The following KHDRBS2 variants were observed in gnomAD, a reference collection of about 807,000 sequenced individuals.
KHDRBS2 encodes KH domain-containing, RNA-binding, signal transduction-associated protein 2.
KHDRBS2 carries 26 observed loss-of-function variants against 44.3 expected under a neutral mutation model. The observed-to-expected ratio is 0.59, with a 90% CI of 0.43 to 0.81. The LOEUF is 0.81. Among genes scored for constraint, KHDRBS2 ranks in the 40% least tolerant of loss-of-function variants. The probability of loss-of-function intolerance (pLI) is 0.00; values close to 1 mark genes in which losing one functional copy is unlikely to be tolerated. For synonymous variants in KHDRBS2, 194 were observed against 151.1 expected, an observed-to-expected ratio of 1.28 and a Z score of -2.08; for missense variants, 476 against 433.1, an observed-to-expected ratio of 1.10 and a Z score of -0.88.
chr6:61,600,545 C>T, the KHDRBS2 span, among the ~76,000 whole-genome samples: 5 of 152,238 alleles, frequency 3.3e-5, no homozygotes, highest in East Asian at 3.9e-4. Flanking sequence ...AGTCTCTTTT[C>T]GGACTCAGCC....
At chr6:61,633,851 A>G in the KHDRBS2 span, among the ~76,000 whole-genome samples, 1 of 152,034 alleles carries the variant, frequency 6.6e-6, no homozygotes, top group Non-Finnish European at 1.5e-5. Context: ...ACTGATGTTT[A>G]TATCTTCCAG....
the KHDRBS2 span, among the ~76,000 whole-genome samples, chr6:61,609,536 T>C: frequency 6.6e-6 from 1 of 152,228 alleles, no homozygotes; most frequent in Non-Finnish European, 1.5e-5. Flanking sequence ...CATTCAAGGA[T>C]TTAACATTTT....
At chr6:61,916,234 T>G (rs561671140) in intron 4 of KHDRBS2, among the ~76,000 whole-genome samples, 2 of 152,180 alleles carry the variant, frequency 1.3e-5, no homozygotes, top group Admixed American at 6.6e-5. Context: ...TGTATTGTTT[T>G]AAGTTATTGA....
At chr6:61,964,914 A>G (rs1454124976) in intron 4 of KHDRBS2, among the ~76,000 whole-genome samples, 3 of 152,122 alleles carry the variant, frequency 2.0e-5, no homozygotes, top group Non-Finnish European at 4.4e-5. Context: ...TGTTCTACAC[A>G]TGGGTAAACA....
intron 4 of KHDRBS2, among the ~76,000 whole-genome samples, chr6:61,913,858 C>A (rs749933718): frequency 1.1e-4 from 17 of 152,048 alleles, no homozygotes; most frequent in Non-Finnish European, 1.8e-4. Flanking sequence ...AGGAGCTGAG[C>A]ATCTTTGAGG....
intron 4 of KHDRBS2, among the ~76,000 whole-genome samples, chr6:61,904,346 T>C (rs777757100): frequency 1.1e-4 from 17 of 152,204 alleles, no homozygotes; most frequent in Non-Finnish European, 1.9e-4. Context: ...GATTTCTTAT[T>C]CTTATTAATA....
intron 3 of KHDRBS2, among the ~76,000 whole-genome samples, chr6:61,990,470 A>G (rs139449431): frequency 6.6e-6 from 1 of 152,346 alleles, no homozygotes; most frequent in East Asian, 1.9e-4. Context: ...CTCACAGGGT[A>G]TATCACATTA....
intron 1 of KHDRBS2, among the ~76,000 whole-genome samples, chr6:62,240,281 G>A (rs1018722256): frequency 2.0e-5 from 3 of 151,976 alleles, no homozygotes; most frequent in African/African-American, 7.2e-5. Flanking sequence ...ATCACTGTGG[G>A]TGTTTTATTT....
intron 2 of KHDRBS2, among the ~76,000 whole-genome samples, chr6:62,084,703 A>C (rs1417738168): frequency 6.6e-6 from 1 of 152,150 alleles, no homozygotes; most frequent in African/African-American, 2.4e-5. Flanking sequence ...AAAAATGACA[A>C]ATGTGTTTTC....
rs557690322 is a variant in KHDRBS2, at chr6:62,077,532, T to C, written c.220-29538A>G. 1.5e-3 allele frequency among the ~76,000 whole-genome samples: 224 copies of C among 152,146 alleles called. 1 individual carries two copies. The Middle Eastern group carries it at 0.024, about 16-fold the overall frequency. On this transcript the variant is annotated intron_variant, in intron 2 of 8. Transcript: ENST00000281156. ...AATGAGGCAATTTTCCAAGGTCTGA[T>C]TCAACACTCAGTCCAGTAAGATAGG...
intron 6 of KHDRBS2, among the ~76,000 whole-genome samples, chr6:61,810,682 C>G (rs1194546433): frequency 4.0e-5 from 6 of 151,872 alleles, no homozygotes; most frequent in Admixed American, 2.0e-4. Context: ...AAAATAAAGA[C>G]AGCAAAAATA....
At chr6:61,979,887 T>C (rs1400035568) in intron 3 of KHDRBS2, among the ~76,000 whole-genome samples, 10 of 152,160 alleles carry the variant, frequency 6.6e-5, no homozygotes, top group Admixed American at 5.9e-4. Flanking sequence ...TTCTTGACAC[T>C]GTCCCTTTCT....
intron 1 of KHDRBS2, among the ~76,000 whole-genome samples, chr6:62,263,243 T>TA (rs753874007): frequency 5.9e-5 from 9 of 151,792 alleles, no homozygotes; most frequent in Non-Finnish European, 8.9e-5. Flanking sequence ...TCTAATTTTA[T>TA]AAATTATTTC....
At chr6:61,840,710 G>C (rs563281889) in intron 6 of KHDRBS2, among the ~76,000 whole-genome samples, 1 of 152,264 alleles carries the variant, frequency 6.6e-6, no homozygotes, top group African/African-American at 2.4e-5. Context: ...TGCTCCAGCT[G>C]CATTCTACGG....
intron 4 of KHDRBS2, among the ~76,000 whole-genome samples, chr6:61,934,618 T>C (rs1287103794): frequency 6.6e-6 from 1 of 152,226 alleles, no homozygotes; most frequent in Non-Finnish European, 1.5e-5. Context: ...TAGGTCAATT[T>C]TCTTGACTAA....
In KHDRBS2 at chr6:62,108,665, C is replaced by T. The variant is rs1192480; in HGVS notation, c.220-60671G>A. On this transcript the variant is annotated intron_variant, in intron 2 of 8. Coordinates refer to ENST00000281156, the MANE Select transcript of KHDRBS2 (RefSeq NM_152688.4). ...ATGCACACGTATGTTCATTGCGGCACTATTCACAATAGCAAAGACTTGGAA... is the reference window on the plus strand; with the variant it reads ...ATGCACACGTATGTTCATTGCGGCATTATTCACAATAGCAAAGACTTGGAA... Among the ~76,000 whole-genome samples, 8 of 152,250 alleles carry T rather than the reference C, an allele frequency of 5.3e-5. 1 individual carries two copies. The highest frequency in any genetic ancestry group is 3.3e-4 in the Admixed American group (5 of 15,288).
chr6:62,068,315 A>G (rs1173714069), intron 2 of KHDRBS2, among the ~76,000 whole-genome samples: 2 of 151,368 alleles, frequency 1.3e-5, no homozygotes, highest in East Asian at 2.0e-4. Flanking sequence ...ACTTTTATAT[A>G]CCTTCCTTGG....
At chr6:61,984,111 A>AC (rs1774542710) in intron 3 of KHDRBS2, among the ~76,000 whole-genome samples, 2 of 152,108 alleles carry the variant, frequency 1.3e-5, no homozygotes, top group South Asian at 4.1e-4. Flanking sequence ...TCACCAGAAC[A>AC]CTTGCACCTT....
At chr6:61,948,591 C>T (rs891988924) in intron 4 of KHDRBS2, among the ~76,000 whole-genome samples, 3 of 151,228 alleles carry the variant, frequency 2.0e-5, no homozygotes, top group Admixed American at 6.6e-5. Context: ...GTAATTCTTG[C>T]CATAAAGCAA....
Sources: gnomAD v4.1 joint callset for allele counts (sites outside exome capture counted in the v4.1 genomes callset) on GRCh38, gnomAD v4.1.1 for gene constraint, MANE v1.5 for transcripts, NCBI Gene and HGNC (gene_info 2026-07-23, HGNC 2026-07-21) for gene names.